Variants in DNAJC3 observed in about 807,000 individuals in gnomAD.
DNAJC3 encodes the protein dnaJ homolog subfamily C member 3.
A neutral mutation model predicts 68.6 loss-of-function variants in DNAJC3; 38 were observed. The ratio of observed to expected loss-of-function variants is 0.55; its 90% CI spans 0.43 to 0.73. The LOEUF is 0.73. Among genes scored for constraint, DNAJC3 ranks in the 30% least tolerant of loss-of-function variants. The probability of loss-of-function intolerance (pLI) is 0.00; values close to 1 mark genes in which losing one functional copy is unlikely to be tolerated. For missense variants in DNAJC3, 526 were observed against 591.9 expected, an observed-to-expected ratio of 0.89 and a Z score of 1.16; for synonymous variants, 203 against 204.0, an observed-to-expected ratio of 1.00 and a Z score of 0.04.
intron 2 of DNAJC3, among the ~76,000 whole-genome samples, chr13:95,711,200 G>GA (rs1328704531): frequency 6.6e-6 from 1 of 151,932 alleles, no homozygotes; most frequent in African/African-American, 2.4e-5. Context: ...TTTTTTTGAT[G>GA]AAAAAACTCT....
At chr13:95,757,890 C>A in intron 5 of DNAJC3, 94 bp downstream of exon 5, 1 of 1,327,066 alleles carries the variant, frequency 7.5e-7, no homozygotes, top group Non-Finnish European at 1.0e-6. Context: ...AAGACCTAGA[C>A]AGGAGAAAAT....
chr13:95,693,163 A>G (rs185090942), intron 1 of DNAJC3: 4 of 152,266 alleles, frequency 2.6e-5, no homozygotes, highest in African/African-American at 9.6e-5. Context: ...TGTGTTCGGG[A>G]TCCATCATCC....
At chr13:95,763,621 T>C (rs1292146373) in intron 7 of DNAJC3, 22 bp from the exon 8 acceptor site, 6 of 1,606,940 alleles carry the variant, frequency 3.7e-6, no homozygotes, top group Non-Finnish European at 5.1e-6. Context: ...TCATTTCTTA[T>C]CATGATTTGC....
chr13:95,679,199 CT>C (rs3086610), intron 1 of DNAJC3, among the ~76,000 whole-genome samples: 24,488 of 108,138 alleles, frequency 0.23, 1,494 homozygotes, highest in Non-Finnish European at 0.26. Context: ...AAAATCAGCA[CT>C]TTTTTTTTTT....
intron 1 of DNAJC3, among the ~76,000 whole-genome samples, chr13:95,680,261 T>C (rs1035793463): frequency 2.0e-5 from 3 of 152,222 alleles, no homozygotes; most frequent in African/African-American, 7.2e-5. Flanking sequence ...TTCCTTAACA[T>C]GCTATCTGGA....
intron 1 of DNAJC3, among the ~76,000 whole-genome samples, chr13:95,685,729 T>A (rs1880057578): frequency 6.6e-6 from 1 of 152,180 alleles, no homozygotes; most frequent in Admixed American, 6.5e-5. Context: ...CCATAGTGGT[T>A]GAACTAATTT....
intron 2 of DNAJC3, among the ~76,000 whole-genome samples, chr13:95,715,052 AT>A (rs1285943636): frequency 6.6e-6 from 1 of 152,144 alleles, no homozygotes. Flanking sequence ...TATTGGTGTG[AT>A]TTAGTAAAGG....
At chr13:95,691,121 G>T (rs544675827) in intron 1 of DNAJC3, among the ~76,000 whole-genome samples, 2 of 148,080 alleles carry the variant, frequency 1.4e-5, no homozygotes, top group Non-Finnish European at 3.0e-5. Context: ...CTTCCCAGAC[G>T]GAGCGGCTGG....
rs1185565943 is a variant in DNAJC3 at position 95,792,356 on chromosome 13, A to ATTACT, written c.*1330_*1334dup. On this transcript the variant is annotated 3_prime_UTR_variant, in exon 12 of 12. Coordinates refer to ENST00000602402, the MANE Select transcript of DNAJC3 (RefSeq NM_006260.5). ...GATGCTGCATTTGAAAGCTGAAGGA[A>ATTACT]TTACTTTAGATAGATAGGAATTGCT... is the stretch of plus-strand genomic sequence containing the variant. The ATTACT allele has an allele frequency of 2.0e-5, 3 of 152,230 alleles. No homozygotes were observed. The highest frequency in any genetic ancestry group is 6.5e-5 in the Admixed American group (1 of 15,288). 9.4% of individuals were successfully genotyped at this position (152,230 alleles called of 1,614,324 possible). A position where few individuals can be genotyped will look rare whatever the true frequency, so the allele number is the denominator to read the frequency against.
chr13:95,743,305 T>G (rs780542666), intron 4 of DNAJC3, among the ~76,000 whole-genome samples: 8 of 152,222 alleles, frequency 5.3e-5, no homozygotes, highest in Non-Finnish European at 1.2e-4. Flanking sequence ...CTCTGCAATG[T>G]GGGCAGTGAG....
At chr13:95,677,482 G>A in intron 1 of DNAJC3, 145 bp downstream of exon 1, 1 of 777,470 alleles carries the variant, frequency 1.3e-6, no homozygotes, top group Non-Finnish European at 1.9e-6. Context: ...TTGGGCCTGA[G>A]CCCGCGCCCG....
chr13:95,705,747 C>T (rs944398763), intron 1 of DNAJC3, among the ~76,000 whole-genome samples: 2 of 152,048 alleles, frequency 1.3e-5, no homozygotes, highest in Admixed American at 1.3e-4. Flanking sequence ...TTATGTTGCC[C>T]GGGCTGCTCT....
At chr13:95,739,134 G>A (rs1243595975) in intron 4 of DNAJC3, among the ~76,000 whole-genome samples, 2 of 152,108 alleles carry the variant, frequency 1.3e-5, no homozygotes, top group African/African-American at 4.8e-5. Context: ...TTTTCTTTAA[G>A]AATGTTGAAT....
At chr13:95,777,630 A>G (rs1883327356) in intron 9 of DNAJC3, among the ~76,000 whole-genome samples, 1 of 152,234 alleles carries the variant, frequency 6.6e-6, no homozygotes, top group African/African-American at 2.4e-5. Context: ...TCATTCATTG[A>G]GAATCTATGA....
At chr13:95,683,795 G>T (rs928329132) in intron 1 of DNAJC3, among the ~76,000 whole-genome samples, 1 of 151,736 alleles carries the variant, frequency 6.6e-6, no homozygotes, top group Non-Finnish European at 1.5e-5. Flanking sequence ...TTAGCCTGTT[G>T]TGGAGGTGGG....
intron 1 of DNAJC3, among the ~76,000 whole-genome samples, chr13:95,680,992 G>A (rs1235578182): frequency 1.3e-5 from 2 of 152,202 alleles, no homozygotes; most frequent in African/African-American, 4.8e-5. Flanking sequence ...CATTTAATCA[G>A]TCAGCAAAGG....
chr13:95,677,473 T>C (rs900992912), intron 1 of DNAJC3, 136 bp downstream of exon 1: 1 of 879,898 alleles, frequency 1.1e-6, no homozygotes, highest in Non-Finnish European at 1.6e-6. Flanking sequence ...CGGCCTGGCT[T>C]GGGCCTGAGC....
chr13:95,741,494 G>A (rs749446760), intron 4 of DNAJC3, among the ~76,000 whole-genome samples: 5 of 152,214 alleles, frequency 3.3e-5, no homozygotes, highest in Non-Finnish European at 7.3e-5. Flanking sequence ...CTTCAAGGTG[G>A]CGTATGCTGG....
intron 4 of DNAJC3, chr13:95,745,174 T>C (rs888372503): frequency 1.3e-5 from 2 of 152,214 alleles, no homozygotes; most frequent in African/African-American, 4.8e-5. Flanking sequence ...GTCAATTAAA[T>C]GGCAATATAA....
Sources: allele counts gnomAD v4.1 joint callset (sites outside exome capture counted in the v4.1 genomes callset), GRCh38; gene constraint gnomAD v4.1.1; transcripts MANE v1.5; gene names NCBI Gene and HGNC (gene_info 2026-07-23, HGNC 2026-07-21).